Variants in STON2 observed in about 807,000 individuals in gnomAD.
STON2 encodes stonin-2.
STON2 carries 29 observed loss-of-function variants against 65.7 expected under a neutral mutation model. The ratio of observed to expected loss-of-function variants is 0.44; its 90% confidence interval spans 0.33 to 0.60. STON2 has a LOEUF of 0.60. STON2 is among the 20% of genes least tolerant of loss of function. STON2 has a pLI of 0.03. For missense variants in STON2, 1,054 were observed against 1,118.1 expected, an observed-to-expected ratio of 0.94 and a Z score of 0.82; for synonymous variants, 404 against 414.2, an observed-to-expected ratio of 0.98 and a Z score of 0.30.
At chr14:81,274,694 G>A (rs1894737493) in intron 6 of STON2, among the ~76,000 whole-genome samples, 1 of 152,020 alleles carries the variant, frequency 6.6e-6, no homozygotes, top group African/African-American at 2.4e-5. Flanking sequence ...CCAGCACTTC[G>A]GGAGTACGAG....
intron 5 of STON2, among the ~76,000 whole-genome samples, chr14:81,296,222 C>T (rs1000834180): frequency 2.6e-5 from 4 of 152,126 alleles, no homozygotes; most frequent in African/African-American, 7.2e-5. Flanking sequence ...ATATATGCAA[C>T]GTCTGGCTGC....
chr14:81,270,098 C>A (rs563245122), intron 7 of STON2: 2 of 957,700 alleles, frequency 2.1e-6, no homozygotes, highest in Admixed American at 1.2e-4. Flanking sequence ...TACTCTTTTT[C>A]TTTTTTTGAG....
At chr14:81,364,616 A>C in intron 4 of STON2, among the ~76,000 whole-genome samples, 1 of 152,208 alleles carries the variant, frequency 6.6e-6, no homozygotes, top group East Asian at 1.9e-4. Context: ...GTGTGTATAC[A>C]TATACATATA....
chr14:81,374,038 T>A, intron 3 of STON2, among the ~76,000 whole-genome samples: 1 of 110,290 alleles, frequency 9.1e-6, no homozygotes, highest in Non-Finnish European at 1.7e-5. Context: ...TGAGACAGAC[T>A]CTCGCTTTGC....
rs1691888636 is a variant in STON2, at chr14:81,262,718, CA to C, written c.*5695del. ...AGAGACACATTTTTTTTTCAATTCT[CA>C]AAACAACTAGACTCTTTCCAGCAGA... On this transcript the variant is annotated 3_prime_UTR_variant, in exon 8 of 8. Transcript: ENST00000614646. 1.0e-6 allele frequency: 1 copy of C among 985,026 alleles called. No individual in the cohort carries two copies. The highest frequency in any genetic ancestry group is 1.7e-5 in the African/African-American group (1 of 57,236). 61.0% of individuals were successfully genotyped at this position (985,026 alleles called of 1,614,324 possible).
intron 2 of STON2, among the ~76,000 whole-genome samples, chr14:81,396,929 A>C (rs190193622): frequency 6.6e-6 from 1 of 152,260 alleles, no homozygotes; most frequent in East Asian, 1.9e-4. Context: ...ATGGTGGCAC[A>C]TGCCTGTAAT....
Position 81,264,086 on chromosome 14 carries a change from A to G in STON2, c.*4328T>C. On this transcript the variant is annotated 3_prime_UTR_variant, in exon 8 of 8. Coordinates refer to ENST00000614646, the MANE Select transcript of STON2 (RefSeq NM_001394390.1). ...TTTCCTACTGACCATTGAAATGGGC[A>G]AGGCTCAGGCTCATGGATCTGTTTG... is the stretch of plus-strand genomic sequence containing the variant. The G allele has an allele frequency of 1.0e-6, 1 of 985,464 alleles. No homozygotes were observed. The highest frequency in any genetic ancestry group is 1.2e-6 in the Non-Finnish European group (1 of 829,942). The allele number at this position is 985,464 out of a possible 1,614,324, so 61.0% of individuals were successfully genotyped here. A position where few individuals can be genotyped will look rare whatever the true frequency, so the allele number is the denominator to read the frequency against.
intron 4 of STON2, among the ~76,000 whole-genome samples, chr14:81,341,120 C>G (rs1047485758): frequency 1.4e-4 from 21 of 152,058 alleles, no homozygotes; most frequent in African/African-American, 4.6e-4. Context: ...TGAAAACAGA[C>G]GTTACTTTTC....
Position 81,261,795 on chromosome 14 carries a change from C to A in STON2, c.*6619G>T, listed in dbSNP as rs1395900537. 1 of 1,525,388 alleles carries A rather than the reference C, an allele frequency of 6.6e-7. No homozygotes were observed. The highest frequency in any genetic ancestry group is 1.2e-5 in the South Asian group (1 of 81,924). 94.5% of individuals were successfully genotyped at this position (1,525,388 alleles called of 1,614,324 possible). On this transcript the variant is annotated 3_prime_UTR_variant, in exon 8 of 8. Coordinates refer to ENST00000614646, the MANE Select transcript of STON2 (RefSeq NM_001394390.1). ...GCCTCTTCATGCTCACACCATTGTTCTGATAGATGATGCCAGTGGAACTTC... is the reference window on the plus strand; with the variant it reads ...GCCTCTTCATGCTCACACCATTGTTATGATAGATGATGCCAGTGGAACTTC...
At chr14:81,281,063 G>A (rs142130826) in intron 5 of STON2, among the ~76,000 whole-genome samples, 3 of 149,930 alleles carry the variant, frequency 2.0e-5, no homozygotes, top group East Asian at 1.9e-4. Context: ...GGCTAAACAC[G>A]AGTATGCATA....
chr14:81,277,285 G>C lies in STON2; in HGVS notation c.2197C>G (p.Arg733Gly), dbSNP rs148063041. Reference protein sequence around the residue: ...PLDACRFELMRFRTVFAEKTL... With the variant: ...PLDACRFELMGFRTVFAEKTL... The stretch of plus-strand genomic sequence containing the variant: ...TTCTCAGCAAACACTGTCCTGAACC[G>C]CATTAGCTCAAACCGGCACGCATCC... Residue 733 changes from arginine (R) to glycine (G), a missense_variant, in exon 6 of 8, where the codon CGG becomes GGG. Physicochemically the swap from Arg to Gly is moderately radical, Grantham distance 125. Coordinates refer to ENST00000614646, the MANE Select transcript of STON2 (RefSeq NM_001394390.1). 1 of 1,614,146 alleles carries C rather than the reference G, an allele frequency of 6.2e-7. No homozygotes were observed. The highest frequency in any genetic ancestry group is 8.5e-7 in the Non-Finnish European group (1 of 1,180,022).
chr14:81,414,820 A>G (rs1280231465), intron 2 of STON2, among the ~76,000 whole-genome samples: 2 of 152,194 alleles, frequency 1.3e-5, no homozygotes, highest in Non-Finnish European at 2.9e-5. Context: ...TATAAATTAG[A>G]TAATGTAAAT....
chr14:81,404,036 C>T (rs566697212), upstream of STON2, among the ~76,000 whole-genome samples: 2 of 152,284 alleles, frequency 1.3e-5, no homozygotes, highest in African/African-American at 2.4e-5. Flanking sequence ...TTAGTAAATG[C>T]TTGTTGGGTA....
Position 81,377,014 on chromosome 14 carries a change from G to A in STON2, c.374-5829C>T, listed in dbSNP as rs146827410. On this transcript the variant is annotated intron_variant, in intron 3 of 7. Transcript: ENST00000614646. The stretch of plus-strand genomic sequence containing the variant: ...CATATTTCCCCAGTTTTACATGTAC[G>A]TGGGGGTGTGTGTGTATCTAGTTCT... 1.3e-3 allele frequency among the ~76,000 whole-genome samples: 192 copies of A among 152,240 alleles called. 1 individual carries two copies. The highest frequency in any genetic ancestry group is 4.3e-3 in the African/African-American group (179 of 41,546).
intron 4 of STON2, among the ~76,000 whole-genome samples, chr14:81,329,518 C>G (rs1003290642): frequency 1.3e-5 from 2 of 151,278 alleles, no homozygotes; most frequent in Admixed American, 1.3e-4. Context: ...AAGATGGAGG[C>G]AGAGACTGGA....
chr14:81,294,205 C>T (rs1183309560), intron 5 of STON2, among the ~76,000 whole-genome samples: 1 of 152,152 alleles, frequency 6.6e-6, no homozygotes, highest in Non-Finnish European at 1.5e-5. Flanking sequence ...TTTTGTTATG[C>T]CTCTTTACTC....
intron 2 of STON2, among the ~76,000 whole-genome samples, chr14:81,398,023 T>C (rs1185549377): frequency 6.6e-6 from 1 of 152,132 alleles, no homozygotes; most frequent in Non-Finnish European, 1.5e-5. Context: ...AGTAAAGTAT[T>C]TGGTAAATAT....
At chr14:81,385,446 T>G (rs1005664745) in intron 3 of STON2, among the ~76,000 whole-genome samples, 1 of 152,212 alleles carries the variant, frequency 6.6e-6, no homozygotes, top group Admixed American at 6.5e-5. Context: ...TATGTATCTA[T>G]GTATATGTCC....
At chr14:81,404,448 C>T (rs1031388623), upstream of STON2, among the ~76,000 whole-genome samples, 12 of 152,146 alleles carry the variant, frequency 7.9e-5, no homozygotes, top group African/African-American at 2.9e-4. Flanking sequence ...TTCCTTTCAA[C>T]TTTTTTAAAT....
Sources: allele counts gnomAD v4.1 joint callset (sites outside exome capture counted in the v4.1 genomes callset), GRCh38; gene constraint gnomAD v4.1.1; transcripts MANE v1.5; gene names NCBI Gene and HGNC (gene_info 2026-07-23, HGNC 2026-07-21).